Variants in LRP1B observed in about 807,000 individuals in gnomAD.
LRP1B encodes the protein low-density lipoprotein receptor-related protein 1B.
In LRP1B, 217 loss-of-function variants were observed where a neutral mutation model predicts 556.6. The observed-to-expected ratio is 0.39, with a 90% CI of 0.35 to 0.44. LRP1B has a LOEUF of 0.44. Ranked by LOEUF, LRP1B falls within the 20% of genes least tolerant of loss-of-function variation. The pLI, the probability that LRP1B is intolerant of heterozygous loss-of-function variation, is 1.00. For synonymous variants in LRP1B, 2,047 were observed against 1,865.8 expected, an observed-to-expected ratio of 1.10 and a Z score of -2.50; for missense variants, 5,053 against 5,620.8, an observed-to-expected ratio of 0.90 and a Z score of 3.23.
intron 67 of LRP1B, among the ~76,000 whole-genome samples, chr2:140,381,803 A>G (rs986547737): frequency 6.8e-6 from 1 of 146,184 alleles, no homozygotes; most frequent in African/African-American, 2.5e-5. Flanking sequence ...CGGAGGTTGC[A>G]GTGAGTCAAG....
intron 3 of LRP1B, among the ~76,000 whole-genome samples, chr2:141,356,834 C>A (rs1297541936): frequency 6.6e-6 from 1 of 151,920 alleles, no homozygotes; most frequent in Non-Finnish European, 1.5e-5. Context: ...GTAAGCCATA[C>A]CCTTATGTCC....
chr2:140,408,503 T>A (rs1390718095), intron 66 of LRP1B, among the ~76,000 whole-genome samples: 1 of 151,864 alleles, frequency 6.6e-6, no homozygotes, highest in Admixed American at 6.6e-5. Context: ...AAGGAATAAT[T>A]TTTTTAAGTA....
chr2:141,373,521 C>G (rs1229613524), intron 3 of LRP1B, among the ~76,000 whole-genome samples: 1 of 151,952 alleles, frequency 6.6e-6, no homozygotes, highest in Non-Finnish European at 1.5e-5. Context: ...TCTGGGGACT[C>G]CAGTGTTGGG....
At chr2:140,597,183 A>T (rs537205450) in intron 43 of LRP1B, among the ~76,000 whole-genome samples, 3 of 152,186 alleles carry the variant, frequency 2.0e-5, no homozygotes, top group African/African-American at 7.2e-5. Flanking sequence ...TCGGGGCCCA[A>T]TCAGAAATCA....
chr2:140,942,990 T>C (rs1464499589), intron 20 of LRP1B, among the ~76,000 whole-genome samples: 7 of 152,040 alleles, frequency 4.6e-5, no homozygotes, highest in African/African-American at 4.8e-5. Flanking sequence ...GAGTGACTAA[T>C]TGGGTTTAAA....
chr2:141,175,129 T>C (rs1287836396), intron 7 of LRP1B, among the ~76,000 whole-genome samples: 2 of 152,112 alleles, frequency 1.3e-5, no homozygotes, highest in Non-Finnish European at 2.9e-5. Context: ...TGTGAGTTTG[T>C]ATGTGTGAAC....
At chr2:141,844,416 TG>T (rs1697575446) in intron 1 of LRP1B, among the ~76,000 whole-genome samples, 1 of 152,164 alleles carries the variant, frequency 6.6e-6, no homozygotes, top group African/African-American at 2.4e-5. Flanking sequence ...TACATAACTA[TG>T]TTAGATAACT....
At chr2:141,754,849 A>T (rs1482927018) in intron 2 of LRP1B, among the ~76,000 whole-genome samples, 1 of 152,194 alleles carries the variant, frequency 6.6e-6, no homozygotes, top group Admixed American at 6.5e-5. Flanking sequence ...AGATGATATG[A>T]TAAATATTCT....
chr2:141,320,084 T>G (rs1217780900), intron 3 of LRP1B, among the ~76,000 whole-genome samples: 2 of 152,094 alleles, frequency 1.3e-5, no homozygotes, highest in Non-Finnish European at 2.9e-5. Flanking sequence ...CCAATGTTTC[T>G]AGACTATGGA....
intron 43 of LRP1B, among the ~76,000 whole-genome samples, chr2:140,595,737 C>T (rs2105180291): frequency 6.6e-6 from 1 of 152,098 alleles, no homozygotes; most frequent in Middle Eastern, 3.4e-3. Context: ...ACAAAACATG[C>T]ACATGTACTC....
intron 2 of LRP1B, among the ~76,000 whole-genome samples, chr2:141,697,960 A>G (rs1281614306): frequency 1.3e-5 from 2 of 151,896 alleles, no homozygotes; most frequent in Non-Finnish European, 2.9e-5. Context: ...TATGTTTAGC[A>G]CCAACATTCT....
chr2:141,442,392 T>G (rs1432400872), intron 3 of LRP1B, among the ~76,000 whole-genome samples: 3 of 151,588 alleles, frequency 2.0e-5, no homozygotes, highest in Non-Finnish European at 2.9e-5. Flanking sequence ...TACTGTTTTC[T>G]GAAAGGTCTG....
chr2:140,513,003 T>A (rs1448081873), intron 51 of LRP1B, among the ~76,000 whole-genome samples: 1 of 152,132 alleles, frequency 6.6e-6, no homozygotes, highest in Non-Finnish European at 1.5e-5. Flanking sequence ...CAGGTAAACA[T>A]GTCCATTTTC....
rs567586101 is a variant in LRP1B, at chr2:141,354,886, T to C, written c.344-100245A>G. ...CTAAAGCAGAAATGTTTAATGAGAGTACTAGAAATTAAATTGGCAGAGTCT... is the reference window on the plus strand; with the variant it reads ...CTAAAGCAGAAATGTTTAATGAGAGCACTAGAAATTAAATTGGCAGAGTCT... On this transcript the variant is annotated intron_variant, in intron 3 of 90. Transcript: ENST00000389484. Among the ~76,000 whole-genome samples, 5 of 152,144 alleles carry C rather than the reference T, an allele frequency of 3.3e-5. No homozygotes were observed. In the East Asian group the frequency reaches 9.6e-4, roughly 29 times the overall value.
intron 2 of LRP1B, among the ~76,000 whole-genome samples, chr2:141,733,378 C>T (rs1693351426): frequency 6.6e-6 from 1 of 152,086 alleles, no homozygotes; most frequent in Non-Finnish European, 1.5e-5. Context: ...CATCACAAAA[C>T]TATCACTCTG....
At chr2:140,871,844 T>C (rs1428888534) in intron 25 of LRP1B, among the ~76,000 whole-genome samples, 1 of 152,112 alleles carries the variant, frequency 6.6e-6, no homozygotes, top group African/African-American at 2.4e-5. Context: ...CCTTTTCTTG[T>C]TTGATACTTG....
chr2:140,594,198 G>A (rs910338235), intron 43 of LRP1B, among the ~76,000 whole-genome samples: 5 of 152,012 alleles, frequency 3.3e-5, no homozygotes, highest in Non-Finnish European at 7.4e-5. Context: ...TCGAACTCCC[G>A]ACCTCGGGTG....
Position 140,695,204 on chromosome 2 carries a change from AG to A in LRP1B, c.6799+5045del, listed in dbSNP as rs138529962. 0.021 allele frequency among the ~76,000 whole-genome samples: 3,158 copies of A among 151,962 alleles called. 194 individuals carry two copies. In the East Asian group the frequency reaches 0.23, roughly 11 times the overall value. ...ACTTCTCTCTACTGGGTGGTTTTAG[AG>A]TGGACTTCATTGAGCCTCTGCGTCT... On this transcript the variant is annotated intron_variant, in intron 41 of 90. Coordinates refer to ENST00000389484, the MANE Select transcript of LRP1B (RefSeq NM_018557.3).
intron 11 of LRP1B, among the ~76,000 whole-genome samples, chr2:141,029,374 G>A (rs546417027): frequency 1.3e-5 from 2 of 152,032 alleles, no homozygotes; most frequent in African/African-American, 4.8e-5. Context: ...TCCCCTGTGG[G>A]CCTTGAGTGT....
Sources: allele counts gnomAD v4.1 joint callset (sites outside exome capture counted in the v4.1 genomes callset), GRCh38; gene constraint gnomAD v4.1.1; transcripts MANE v1.5; gene names NCBI Gene and HGNC (gene_info 2026-07-23, HGNC 2026-07-21).